Variants in DLG2 observed in about 807,000 individuals in gnomAD.
DLG2 encodes disks large homolog 2.
In DLG2, 45 loss-of-function variants were observed where a neutral mutation model predicts 132.5. The observed-to-expected ratio is 0.34, with a 90% confidence interval of 0.27 to 0.44. The LOEUF (loss-of-function observed/expected upper bound fraction) is 0.44. Among genes scored for constraint, DLG2 ranks in the 20% least tolerant of loss-of-function variants. DLG2 has a pLI of 1.00. For missense variants in DLG2, 1,045 were observed against 1,196.9 expected (o/e 0.87, Z 1.87); for synonymous variants, 424 against 419.6 (o/e 1.01, Z -0.13).
At position 85,488,400 on chromosome 11, in the gene DLG2, A is replaced by G. The variant is rs550133326; in HGVS notation, c.40+110257T>C. On this transcript the variant is annotated intron_variant, in intron 3 of 27. Transcript: ENST00000376104. ...GGAGACTGCGTCTAAAAAAAAAAAA[A>G]CAACAACAACAACCACAACAAAAAG... Among the ~76,000 whole-genome samples the G allele has an allele frequency of 2.6e-5, 4 of 151,278 alleles. No individual in the cohort carries two copies. The South Asian group carries it at 8.4e-4, about 32-fold the overall frequency.
chr11:84,967,229 A>C (rs1214065703), intron 6 of DLG2, among the ~76,000 whole-genome samples: 7 of 152,130 alleles, frequency 4.6e-5, no homozygotes, highest in Admixed American at 4.6e-4. Context: ...AGAATGAGGC[A>C]ACTATCGGGA....
At chr11:83,808,293 T>C (rs1208270511) in intron 17 of DLG2, among the ~76,000 whole-genome samples, 3 of 152,166 alleles carry the variant, frequency 2.0e-5, no homozygotes, top group Non-Finnish European at 2.9e-5. Context: ...ACCCTTTTAA[T>C]ATTCCTGTGG....
chr11:84,061,425 A>C (rs904043431), intron 10 of DLG2, among the ~76,000 whole-genome samples: 5 of 152,216 alleles, frequency 3.3e-5, no homozygotes, highest in Admixed American at 2.6e-4. Context: ...AATAAAACTT[A>C]TTATCTACAT....
At chr11:85,510,605 A>G (rs981563054) in intron 3 of DLG2, among the ~76,000 whole-genome samples, 1 of 152,220 alleles carries the variant, frequency 6.6e-6, no homozygotes, top group African/African-American at 2.4e-5. Flanking sequence ...TTATGCAGCC[A>G]AAAAACACAT....
chr11:85,349,410 C>CT (rs1227973612), intron 3 of DLG2, among the ~76,000 whole-genome samples: 1 of 151,660 alleles, frequency 6.6e-6, no homozygotes, highest in Admixed American at 6.6e-5. Context: ...CCTGGATGGA[C>CT]TTTTTTTTAT....
At chr11:85,028,653 A>C (rs1409156647) in intron 6 of DLG2, among the ~76,000 whole-genome samples, 1 of 152,150 alleles carries the variant, frequency 6.6e-6, no homozygotes, top group Non-Finnish European at 1.5e-5. Context: ...GCTCAGCCTC[A>C]ACTTTGCTCT....
At chr11:84,607,078 C>T (rs979415903) in intron 6 of DLG2, among the ~76,000 whole-genome samples, 2 of 151,992 alleles carry the variant, frequency 1.3e-5, no homozygotes, top group Non-Finnish European at 2.9e-5. Context: ...TAGTGTTATT[C>T]AAGCATCTAA....
intron 7 of DLG2, among the ~76,000 whole-genome samples, chr11:84,447,751 TG>T (rs2099039716): frequency 6.6e-6 from 1 of 152,088 alleles, no homozygotes; most frequent in African/African-American, 2.4e-5. Flanking sequence ...AAAACTCAAA[TG>T]GGTCCTAAAC....
intron 23 of DLG2, among the ~76,000 whole-genome samples, chr11:83,472,359 G>A (rs1385746487): frequency 6.6e-6 from 1 of 152,126 alleles, no homozygotes; most frequent in Non-Finnish European, 1.5e-5. Context: ...ATCTTAGGCA[G>A]ATCTGCTAGA....
At position 85,169,454 on chromosome 11, in the gene DLG2, T is replaced by C. The variant is rs1411928914; in HGVS notation, c.187-14803A>G. ...CAAACTATGTATGAGCCATACAAAA[T>C]TGAAACACAAAAAAGGATGAGATGG... is the stretch of plus-strand genomic sequence containing the variant. On this transcript the variant is annotated intron_variant, in intron 4 of 27. Transcript: ENST00000376104. Among the ~76,000 whole-genome samples the C allele has an allele frequency of 2.0e-5, 3 of 152,058 alleles. No individual in the cohort carries two copies. In the East Asian group the frequency reaches 5.8e-4, roughly 29 times the overall value.
chr11:84,861,665 A>G (rs1436277334), intron 6 of DLG2, among the ~76,000 whole-genome samples: 1 of 145,750 alleles, frequency 6.9e-6, no homozygotes, highest in Non-Finnish European at 1.5e-5. Flanking sequence ...ATCAGAGGGA[A>G]CAGGCAACCT....
chr11:84,471,756 C>T (rs1057439499), intron 7 of DLG2, among the ~76,000 whole-genome samples: 2 of 151,588 alleles, frequency 1.3e-5, no homozygotes, highest in East Asian at 2.0e-4. Context: ...CCTCAACTCC[C>T]TCACTCTTTC....
intron 12 of DLG2, among the ~76,000 whole-genome samples, chr11:83,979,226 A>G (rs891332040): frequency 3.3e-5 from 5 of 152,156 alleles, no homozygotes; most frequent in African/African-American, 9.6e-5. Flanking sequence ...GAAGTAGGCA[A>G]ATAAATATAA....
intron 6 of DLG2, among the ~76,000 whole-genome samples, chr11:84,643,715 G>A (rs2099671001): frequency 6.6e-6 from 1 of 152,148 alleles, no homozygotes; most frequent in Non-Finnish European, 1.5e-5. Flanking sequence ...AGAAGAATAG[G>A]TGTATAGGGC....
At chr11:84,755,986 A>G (rs1027413730) in intron 6 of DLG2, among the ~76,000 whole-genome samples, 1 of 152,242 alleles carries the variant, frequency 6.6e-6, no homozygotes. Context: ...GTACTTCATC[A>G]GTATATAAAA....
intron 12 of DLG2, among the ~76,000 whole-genome samples, chr11:83,973,177 T>A (rs770430461): frequency 1.3e-5 from 2 of 152,126 alleles, no homozygotes; most frequent in Non-Finnish European, 2.9e-5. Context: ...AAACAATATA[T>A]TAGCATAGTA....
At chr11:84,804,335 T>C (rs1263822155) in intron 6 of DLG2, among the ~76,000 whole-genome samples, 1 of 152,168 alleles carries the variant, frequency 6.6e-6, no homozygotes, top group Non-Finnish European at 1.5e-5. Context: ...TGCCAAGTGC[T>C]AAATGCCAAG....
intron 6 of DLG2, among the ~76,000 whole-genome samples, chr11:85,037,911 G>A (rs2061550613): frequency 6.6e-6 from 1 of 152,002 alleles, no homozygotes; most frequent in South Asian, 2.1e-4. Flanking sequence ...CTGAGTATGT[G>A]GCATATTGGA....
intron 6 of DLG2, among the ~76,000 whole-genome samples, chr11:85,109,700 G>T (rs2072392050): frequency 6.6e-6 from 1 of 152,106 alleles, no homozygotes; most frequent in Non-Finnish European, 1.5e-5. Flanking sequence ...GATTGTGTTT[G>T]ATTTACATAG....
Sources: allele counts gnomAD v4.1 joint callset (sites outside exome capture counted in the v4.1 genomes callset), GRCh38; gene constraint gnomAD v4.1.1; transcripts MANE v1.5; gene names NCBI Gene and HGNC (gene_info 2026-07-23, HGNC 2026-07-21).